MYZAP: variants seen among roughly 807,000 people sequenced by gnomAD.
MYZAP encodes myocardial zonula adherens protein, also known as GRINL1A complex locus upstream.
Under a neutral mutation model 69.4 loss-of-function variants are expected in MYZAP, and 66 were observed. That is an observed-to-expected ratio of 0.95 (90% CI 0.78 to 1.17). The LOEUF is 1.17. MYZAP is among the 50% of genes most tolerant of loss of function. The pLI, the probability that MYZAP is intolerant of heterozygous loss-of-function variation, is 0.00. For synonymous variants in MYZAP, 256 were observed against 205.9 expected (o/e 1.24, Z -2.09); for missense variants, 611 against 556.2 (o/e 1.10, Z -0.99).
chr15:57,606,697 G>A (rs576186518), intron 2 of MYZAP, among the ~76,000 whole-genome samples: 1 of 151,526 alleles, frequency 6.6e-6, no homozygotes, highest in South Asian at 2.1e-4. Flanking sequence ...CCTGCACATT[G>A]TGCACATGTA....
At chr15:57,629,171 T>C (rs968783427) in intron 5 of MYZAP, among the ~76,000 whole-genome samples, 4 of 151,858 alleles carry the variant, frequency 2.6e-5, no homozygotes, top group South Asian at 2.1e-4. Flanking sequence ...TCTGATTTCA[T>C]TGTGGCAATT....
chr15:57,623,623 C>T (rs1350351405), intron 4 of MYZAP, among the ~76,000 whole-genome samples: 1 of 151,852 alleles, frequency 6.6e-6, no homozygotes, highest in Non-Finnish European at 1.5e-5. Context: ...ATCCTAGCTA[C>T]TCCGTTGGCT....
At chr15:57,604,798 G>A (rs1159859347) in intron 2 of MYZAP, among the ~76,000 whole-genome samples, 1 of 152,248 alleles carries the variant, frequency 6.6e-6, no homozygotes, top group Non-Finnish European at 1.5e-5. Flanking sequence ...GCAGGCTGGT[G>A]CAGGGAAAGG....
At chr15:57,672,518 C>G (rs899909496) in intron 11 of MYZAP, among the ~76,000 whole-genome samples, 1 of 26,196 alleles carries the variant, frequency 3.8e-5, no homozygotes, top group Non-Finnish European at 3.8e-4. Context: ...GTGCATACTC[C>G]TCTCACTGCA....
chr15:57,631,011 C>A (rs1204122840), intron 6 of MYZAP, among the ~76,000 whole-genome samples: 4 of 152,180 alleles, frequency 2.6e-5, no homozygotes, highest in African/African-American at 9.7e-5. Flanking sequence ...GATCTGCTGC[C>A]AGTTCACTTG....
chr15:57,664,726 T>G (rs569121432), intron 11 of MYZAP, among the ~76,000 whole-genome samples: 2 of 152,354 alleles, frequency 1.3e-5, no homozygotes, highest in Admixed American at 1.3e-4. Context: ...CTCCCCATCT[T>G]ACTAATAAGT....
At chr15:57,682,747 G>C (rs138463459) in intron 12 of MYZAP, among the ~76,000 whole-genome samples, 1 of 152,076 alleles carries the variant, frequency 6.6e-6, no homozygotes, top group Admixed American at 6.6e-5. Flanking sequence ...TGTTCCAGTC[G>C]TTCCAAAGGA....
intron 2 of MYZAP, among the ~76,000 whole-genome samples, chr15:57,613,634 G>T (rs1248397590): frequency 6.6e-6 from 1 of 151,772 alleles, no homozygotes; most frequent in Non-Finnish European, 1.5e-5. Context: ...GCCTCCCAAA[G>T]TGCTGGGATT....
At chr15:57,647,632 G>A in intron 10 of MYZAP, 1 of 985,376 alleles carries the variant, frequency 1.0e-6, no homozygotes. Flanking sequence ...ACCGTACCTG[G>A]AGGCCAGGCA....
At chr15:57,614,970 C>A (rs2035336665) in intron 2 of MYZAP, among the ~76,000 whole-genome samples, 2 of 152,106 alleles carry the variant, frequency 1.3e-5, no homozygotes. Context: ...CAGTAACTTT[C>A]TTCTTCACTT....
At chr15:57,671,995 A>G (rs1276874829) in intron 11 of MYZAP, among the ~76,000 whole-genome samples, 2 of 152,308 alleles carry the variant, frequency 1.3e-5, no homozygotes, top group East Asian at 1.9e-4. Flanking sequence ...TTAAAAGGCA[A>G]TGAATTTAGC....
rs538013921 is a variant in MYZAP, at chr15:57,613,282, A to G, written c.163-4751A>G. 2.4e-4 allele frequency among the ~76,000 whole-genome samples: 36 copies of G among 152,204 alleles called. No homozygotes were observed. In the South Asian group the frequency reaches 6.8e-3, roughly 29 times the overall value. On this transcript the variant is annotated intron_variant, in intron 2 of 12. Transcript: ENST00000267853. Reference sequence around the variant, plus strand: ...TGTCTAGTATTGTTTCATGCCCAGGAGGCTTTTAATAGAGTACATTTTTTA... The same window carrying G: ...TGTCTAGTATTGTTTCATGCCCAGGGGGCTTTTAATAGAGTACATTTTTTA...
intron 4 of MYZAP, among the ~76,000 whole-genome samples, chr15:57,622,374 A>G (rs1264908994): frequency 6.6e-6 from 1 of 152,180 alleles, no homozygotes; most frequent in East Asian, 1.9e-4. Flanking sequence ...TGACCCAATA[A>G]AAAGACCAAC....
At position 57,675,065 on chromosome 15, in the gene MYZAP, C is replaced by G. The variant is rs771603160; in HGVS notation, c.1301C>G (p.Pro434Arg). Residue 434 changes from proline (P) to arginine (R), a missense_variant, in exon 12 of 13, where the codon CCC (proline) becomes CGC (arginine). By Grantham distance (103) the Pro-to-Arg change is moderately radical (BLOSUM62 -2). Coordinates refer to ENST00000267853, the MANE Select transcript of MYZAP (RefSeq NM_001018100.5). ...ATAGGAGTGGGCTGTGATCTTCTAC[C>G]CAGGTATTTAGGAATTTCCTGATTT... ...REIGVGCDLL[P>R]SQTGRTREIV... 1.1e-5 allele frequency: 18 copies of G among 1,599,770 alleles called. No homozygotes were observed. Among genetic ancestry groups the G allele is most frequent in the Middle Eastern group, 3.3e-4 (2 of 6,024 alleles).
intron 12 of MYZAP, among the ~76,000 whole-genome samples, chr15:57,678,041 CAAAAAAAAAAA>C (rs56102709): frequency 1.9e-4 from 22 of 116,228 alleles, no homozygotes; most frequent in Admixed American, 4.3e-4. Context: ...TTATCTCTAC[CAAAAAAAAAAA>C]AAAAAAAAAA....
chr15:57,661,721 A>T lies in MYZAP; in HGVS notation c.1203+188A>T, dbSNP rs181186731. 4.5e-4 allele frequency among the ~76,000 whole-genome samples: 68 copies of T among 152,244 alleles called. 2 individuals are homozygous for T. The East Asian group carries it at 0.011, about 25-fold the overall frequency. On this transcript the variant is annotated intron_variant, in intron 11 of 12. Transcript: ENST00000267853. ...TTTCCTTTACCATCGGACTCCCCTC[A>T]TTCCAGTTGCTGCTGACTTCTGCTT...
chr15:57,670,538 T>G (rs1220611837), intron 11 of MYZAP, among the ~76,000 whole-genome samples: 18 of 152,218 alleles, frequency 1.2e-4, no homozygotes, highest in African/African-American at 4.1e-4. Context: ...TACATAGTTA[T>G]AGTCTCTGCC....
intron 11 of MYZAP, among the ~76,000 whole-genome samples, chr15:57,672,503 G>A (rs1020074017): frequency 2.1e-5 from 2 of 95,972 alleles, no homozygotes; most frequent in African/African-American, 6.5e-5. Flanking sequence ...GGATCAGTGT[G>A]TTGAGTGCAT....
intron 11 of MYZAP, among the ~76,000 whole-genome samples, chr15:57,666,514 A>G (rs2038577094): frequency 6.6e-6 from 1 of 152,200 alleles, no homozygotes; most frequent in Non-Finnish European, 1.5e-5. Flanking sequence ...AATCCAAATG[A>G]CACAGCAGAC....
Sources: gnomAD v4.1 joint callset for allele counts (sites outside exome capture counted in the v4.1 genomes callset) on GRCh38, gnomAD v4.1.1 for gene constraint, MANE v1.5 for transcripts, NCBI Gene and HGNC (gene_info 2026-07-23, HGNC 2026-07-21) for gene names.